Variants in NFIC observed in about 807,000 individuals in gnomAD.
NFIC encodes nuclear factor I C.
NFIC carries 12 observed loss-of-function variants against 54.4 expected under a neutral mutation model. That is an observed-to-expected ratio of 0.22 (90% CI 0.14 to 0.36). The LOEUF (loss-of-function observed/expected upper bound fraction) is 0.36, where lower values mean the gene tolerates loss of function less well. Ranked by LOEUF, NFIC falls within the 10% of genes least tolerant of loss-of-function variation. NFIC has a pLI of 1.00. For synonymous variants in NFIC, 322 were observed against 319.2 expected (o/e 1.01, Z -0.09); for missense variants, 575 against 718.2 (o/e 0.80, Z 2.28).
chr19:3,450,842 G>T (rs1452784271), intron 7 of NFIC, among the ~76,000 whole-genome samples: 1 of 152,160 alleles, frequency 6.6e-6, no homozygotes, highest in Non-Finnish European at 1.5e-5. Flanking sequence ...TTTGGGCCAG[G>T]GGTCAGCAAA....
chr19:3,448,408 G>T lies in NFIC; in HGVS notation c.959-606G>T, dbSNP rs528985751. Among the ~76,000 whole-genome samples, 7 of 152,318 alleles carry T rather than the reference G, an allele frequency of 4.6e-5. 1 individual carries two copies. The highest frequency in any genetic ancestry group is 1.4e-4 in the African/African-American group (6 of 41,562). ...CATTCATTGATTCACTGAGGAAGGT[G>T]TGAGGGGCTGAGCTGCTGAGTTGGG... is the stretch of plus-strand genomic sequence containing the variant. On this transcript the variant is annotated intron_variant, in intron 6 of 10. Transcript: ENST00000443272.
At chr19:3,441,955 G>A (rs1568186909) in intron 6 of NFIC, among the ~76,000 whole-genome samples, 1 of 152,224 alleles carries the variant, frequency 6.6e-6, no homozygotes, top group Non-Finnish European at 1.5e-5. Context: ...CATTAAGGGG[G>A]TTAAGCTGAT....
rs1308862467 is a variant in NFIC, at chr19:3,375,762, CG to C, written c.31-5948del. Reference sequence around the variant, plus strand: ...CTGCCCCTCCCCCCGAAGCACCCCACGGCCGGAGGTGGCCCAAGGGGACGTG... The same window carrying C: ...CTGCCCCTCCCCCCGAAGCACCCCACGCCGGAGGTGGCCCAAGGGGACGTG... On this transcript the variant is annotated intron_variant, in intron 1 of 10. Coordinates refer to ENST00000443272, the MANE Select transcript of NFIC (RefSeq NM_001245002.2). The surrounding 1 kb of genome is among the most constrained non-coding windows in gnomAD (Gnocchi z 4.6). Among the ~76,000 whole-genome samples the C allele has an allele frequency of 6.6e-6, 1 of 152,188 alleles. No individual in the cohort carries two copies. Among genetic ancestry groups the C allele is most frequent in the African/African-American group, 2.4e-5 (1 of 41,454 alleles).
chr19:3,462,234 T>G (rs1356392892), intron 10 of NFIC, among the ~76,000 whole-genome samples: 3 of 150,022 alleles, frequency 2.0e-5, no homozygotes, highest in Non-Finnish European at 4.4e-5. Context: ...ATACAAAAAT[T>G]ATCCAGGTGT....
chr19:3,372,008 TC>T (rs2081028378), intron 1 of NFIC, among the ~76,000 whole-genome samples: 1 of 91,810 alleles, frequency 1.1e-5, no homozygotes, highest in African/African-American at 7.1e-5. Flanking sequence ...CCTCTCTCTC[TC>T]TCTCTCTCTC....
chr19:3,366,547 T>TGGGGGGGG (rs1297245047), upstream of NFIC: 67 of 353,462 alleles, frequency 1.9e-4, no homozygotes, highest in South Asian at 8.5e-4. Context: ...GGGGGGGGGT[T>TGGGGGGGG]GGGGGGGGCG....
At chr19:3,427,112 G>C (rs1376102358) in intron 3 of NFIC, among the ~76,000 whole-genome samples, 1 of 151,938 alleles carries the variant, frequency 6.6e-6, no homozygotes, top group Non-Finnish European at 1.5e-5. Context: ...ACTTTTAGTA[G>C]AGATGGGGTT....
At chr19:3,379,973 T>G (rs1294153770) in intron 1 of NFIC, among the ~76,000 whole-genome samples, 2 of 151,620 alleles carry the variant, frequency 1.3e-5, no homozygotes, top group Non-Finnish European at 2.9e-5. Flanking sequence ...TGAGCCACCA[T>G]GCTTGGCCGC....
At chr19:3,422,325 C>T (rs995597798) in intron 2 of NFIC, among the ~76,000 whole-genome samples, 6 of 152,000 alleles carry the variant, frequency 3.9e-5, no homozygotes, top group South Asian at 2.1e-4. Context: ...CCTCCCGCTT[C>T]GGCCTCCCAA....
At chr19:3,383,145 G>A (rs1457595885) in intron 2 of NFIC, among the ~76,000 whole-genome samples, 1 of 151,822 alleles carries the variant, frequency 6.6e-6, no homozygotes, top group Non-Finnish European at 1.5e-5. Context: ...TCCGAGGAGA[G>A]CCAAGAGAGT....
At chr19:3,415,429 T>G (rs2081838627) in intron 2 of NFIC, among the ~76,000 whole-genome samples, 1 of 151,998 alleles carries the variant, frequency 6.6e-6, no homozygotes, top group Non-Finnish European at 1.5e-5. Flanking sequence ...GGCCAAGTGC[T>G]TGGTTCTTTC....
chr19:3,429,822 G>A (rs780971773), intron 3 of NFIC, among the ~76,000 whole-genome samples: 5 of 152,202 alleles, frequency 3.3e-5, no homozygotes, highest in Non-Finnish European at 5.9e-5. Context: ...TCTACCCGGA[G>A]GCCTTTGCAC....
Position 3,464,791 on chromosome 19 carries a change from T to C in NFIC, c.*2022T>C. ...TCGCCATCCTCTGGCCTCGAGCCCT[T>C]GGTCCCTCCGTCCGTCTGTCCTCGG... On this transcript the variant is annotated 3_prime_UTR_variant, in exon 11 of 11. Coordinates refer to ENST00000443272, the MANE Select transcript of NFIC (RefSeq NM_001245002.2). 1 of 847,942 alleles carries C rather than the reference T, an allele frequency of 1.2e-6. No homozygotes were observed. The highest frequency in any genetic ancestry group is 1.4e-6 in the Non-Finnish European group (1 of 704,752). The allele number at this position is 847,942 out of a possible 1,614,324, so 52.5% of individuals were successfully genotyped here.
upstream of NFIC, among the ~76,000 whole-genome samples, chr19:3,365,207 C>A (rs1195722021): frequency 6.6e-6 from 1 of 152,296 alleles, no homozygotes; most frequent in South Asian, 2.1e-4. Flanking sequence ...CTTCTGCGCC[C>A]CTGGGCCTGG....
chr19:3,378,381 C>T (rs150282264), intron 1 of NFIC, among the ~76,000 whole-genome samples: 2 of 152,292 alleles, frequency 1.3e-5, no homozygotes, highest in Non-Finnish European at 2.9e-5. Context: ...CAGGCGTTAG[C>T]CATAGTCCCC....
In NFIC at chr19:3,458,654, T is replaced by A. The variant is rs1188280395; in HGVS notation, c.1509+2019T>A. On this transcript the variant is annotated intron_variant, in intron 10 of 10. Transcript: ENST00000443272. The surrounding 1 kb of genome is among the most constrained non-coding windows in gnomAD (Gnocchi z 4.1). Reference sequence around the variant, plus strand: ...GTGTGGGGGGGCACTGGCAAGGGGCTCAGCATAGGCAATGGTGTGGGTCGG... The same window carrying A: ...GTGTGGGGGGGCACTGGCAAGGGGCACAGCATAGGCAATGGTGTGGGTCGG... 7.0e-6 allele frequency among the ~76,000 whole-genome samples: 1 copy of A among 142,986 alleles called. No homozygotes were observed. Among genetic ancestry groups the A allele is most frequent in the Non-Finnish European group, 1.5e-5 (1 of 65,150 alleles). The allele number at this position is 142,986 out of a possible 152,430, so 93.8% of individuals were successfully genotyped here. A position where few individuals can be genotyped will look rare whatever the true frequency, so the allele number is the denominator to read the frequency against.
chr19:3,408,593 C>T (rs992123714), intron 2 of NFIC, among the ~76,000 whole-genome samples: 3 of 152,116 alleles, frequency 2.0e-5, no homozygotes, highest in Admixed American at 1.3e-4. Context: ...ACATGCAGCA[C>T]GCACCACCAC....
At chr19:3,422,935 G>A (rs962020920) in intron 2 of NFIC, among the ~76,000 whole-genome samples, 16 of 151,950 alleles carry the variant, frequency 1.1e-4, no homozygotes, top group Non-Finnish European at 2.1e-4. Context: ...GGTGGCTCAC[G>A]CTTGGCATCC....
chr19:3,449,708 A>G (rs1307793603), intron 7 of NFIC, among the ~76,000 whole-genome samples: 1 of 145,720 alleles, frequency 6.9e-6, no homozygotes. Flanking sequence ...TGCAGTGAGC[A>G]GAGATCACAC....
Sources: allele counts gnomAD v4.1 joint callset (sites outside exome capture counted in the v4.1 genomes callset), GRCh38; gene constraint gnomAD v4.1.1; non-coding constraint Gnocchi (gnomAD v3.1); transcripts MANE v1.5; gene names NCBI Gene and HGNC (gene_info 2026-07-23, HGNC 2026-07-21).